Variants in LRP1B observed in about 807,000 individuals in gnomAD.
LRP1B encodes the protein LDL receptor related protein 1B, also known as low-density lipoprotein receptor-related protein 1B.
A neutral mutation model predicts 556.6 loss-of-function variants in LRP1B; 217 were observed. That is an observed-to-expected ratio of 0.39 (90% CI 0.35 to 0.44). The LOEUF is 0.44. Among genes scored for constraint, LRP1B ranks in the 20% least tolerant of loss-of-function variants. LRP1B has a pLI of 1.00. For synonymous variants in LRP1B, 2,047 were observed against 1,865.8 expected (o/e 1.10, Z -2.50); for missense variants, 5,053 against 5,620.8 (o/e 0.90, Z 3.23).
chr2:141,286,970 G>T (rs1177377233), intron 3 of LRP1B, among the ~76,000 whole-genome samples: 2 of 152,118 alleles, frequency 1.3e-5, no homozygotes, highest in Non-Finnish European at 2.9e-5. Flanking sequence ...TTTAATTTTA[G>T]TTAATTTAAA....
At chr2:140,293,364 T>A (rs1303912342) in intron 84 of LRP1B, among the ~76,000 whole-genome samples, 1 of 152,226 alleles carries the variant, frequency 6.6e-6, no homozygotes, top group Non-Finnish European at 1.5e-5. Flanking sequence ...GAAGTGCCGC[T>A]ATATTTGTTC....
chr2:141,428,148 C>A (rs62167989), intron 3 of LRP1B, among the ~76,000 whole-genome samples: 3,183 of 152,152 alleles, frequency 0.021, 67 homozygotes, highest in East Asian at 0.091. Flanking sequence ...TTGTGATAAT[C>A]ATCAAAGTGG....
chr2:141,474,430 T>G (rs1682624143), intron 3 of LRP1B, among the ~76,000 whole-genome samples: 2 of 152,076 alleles, frequency 1.3e-5, no homozygotes, highest in African/African-American at 4.8e-5. Flanking sequence ...GCACTTTTCA[T>G]AAGAGTTTCG....
At position 140,961,104 on chromosome 2, in the gene LRP1B, T is replaced by C. The variant is rs574597330; in HGVS notation, c.2888-9164A>G. ...AACAATATGAGATAGATTTTATGTT[T>C]GCCAATTTACATATAAACAAGTAAA... On this transcript the variant is annotated intron_variant, in intron 18 of 90. Coordinates refer to ENST00000389484, the MANE Select transcript of LRP1B (RefSeq NM_018557.3). Among the ~76,000 whole-genome samples, 45 of 152,076 alleles carry C rather than the reference T, an allele frequency of 3.0e-4. No homozygotes were observed. The South Asian group carries it at 8.9e-3, about 30-fold the overall frequency.
At chr2:140,236,658 C>T (rs757346499) in intron 89 of LRP1B, among the ~76,000 whole-genome samples, 19 of 150,746 alleles carry the variant, frequency 1.3e-4, no homozygotes, top group Non-Finnish European at 2.1e-4. Flanking sequence ...ATGTTTTAAA[C>T]TAGTAAGGAT....
intron 1 of LRP1B, among the ~76,000 whole-genome samples, chr2:141,927,655 G>A (rs1168690038): frequency 2.0e-5 from 3 of 151,890 alleles, no homozygotes; most frequent in African/African-American, 7.2e-5. Context: ...GTTAACTGGA[G>A]TAGTTTTCAG....
intron 20 of LRP1B, among the ~76,000 whole-genome samples, chr2:140,939,395 T>C (rs1384236143): frequency 6.6e-6 from 1 of 151,246 alleles, no homozygotes; most frequent in African/African-American, 2.4e-5. Flanking sequence ...AATAAGAGCA[T>C]GTGTGAGTAT....
intron 41 of LRP1B, among the ~76,000 whole-genome samples, chr2:140,654,619 T>C (rs1274505820): frequency 2.0e-5 from 3 of 152,142 alleles, no homozygotes; most frequent in South Asian, 2.1e-4. Context: ...TGGGAACAGA[T>C]GGGTTTTATT....
At chr2:141,561,433 A>G (rs935714192) in intron 2 of LRP1B, among the ~76,000 whole-genome samples, 5 of 151,842 alleles carry the variant, frequency 3.3e-5, no homozygotes, top group Admixed American at 2.6e-4. Context: ...ACAGGAAACT[A>G]GGACAACTAA....
chr2:141,070,788 T>C (rs1699616806), intron 7 of LRP1B, among the ~76,000 whole-genome samples: 1 of 151,964 alleles, frequency 6.6e-6, no homozygotes, highest in African/African-American at 2.4e-5. Flanking sequence ...ACATACACCC[T>C]CCCAAGACTA....
intron 18 of LRP1B, among the ~76,000 whole-genome samples, chr2:140,973,055 TATATATA>T (rs1696482710): frequency 3.7e-4 from 3 of 8,040 alleles, no homozygotes; most frequent in African/African-American, 6.8e-4. Context: ...TTTCATTTTA[TATATATA>T]TATATATATA....
intron 43 of LRP1B, among the ~76,000 whole-genome samples, chr2:140,561,409 C>A (rs1184966969): frequency 6.6e-6 from 1 of 152,128 alleles, no homozygotes; most frequent in Non-Finnish European, 1.5e-5. Context: ...CATGGCTGTC[C>A]ATTCTTCATT....
intron 21 of LRP1B, among the ~76,000 whole-genome samples, chr2:140,908,391 T>TAA (rs1435788489): frequency 1.6e-5 from 2 of 123,544 alleles, no homozygotes; most frequent in African/African-American, 6.8e-5. Context: ...TATATATATA[T>TAA]AAAAAGAAGG....
chr2:141,824,992 G>A (rs898337856), intron 1 of LRP1B, among the ~76,000 whole-genome samples: 1 of 152,072 alleles, frequency 6.6e-6, no homozygotes, highest in South Asian at 2.1e-4. Flanking sequence ...TACCCTGTGC[G>A]GTCTCTCTCC....
At position 140,750,669 on chromosome 2, in the gene LRP1B, A is replaced by G. The variant is rs145385095; in HGVS notation, c.5758+18544T>C. 9.8e-4 allele frequency among the ~76,000 whole-genome samples: 149 copies of G among 152,328 alleles called. 2 individuals carry two copies. The East Asian group carries it at 0.026, about 26-fold the overall frequency. On this transcript the variant is annotated intron_variant, in intron 35 of 90. Coordinates refer to ENST00000389484, the MANE Select transcript of LRP1B (RefSeq NM_018557.3). The stretch of plus-strand genomic sequence containing the variant: ...CACAAAGGATAAACCTTACAAGGGC[A>G]TATCATTTATCAGTCTTAGCCTTGT...
chr2:141,672,259 A>C (rs1355855447), intron 2 of LRP1B, among the ~76,000 whole-genome samples: 1 of 152,094 alleles, frequency 6.6e-6, no homozygotes, highest in Non-Finnish European at 1.5e-5. Context: ...ACAACAAGGC[A>C]CTTCATTTGA....
intron 86 of LRP1B, among the ~76,000 whole-genome samples, chr2:140,250,792 G>T (rs1387759650): frequency 2.5e-4 from 38 of 151,598 alleles, no homozygotes; most frequent in Admixed American, 2.4e-3. Context: ...TAATTCACAA[G>T]TCACACTTCA....
chr2:140,244,112 G>A (rs368582605), intron 87 of LRP1B, among the ~76,000 whole-genome samples: 4 of 151,340 alleles, frequency 2.6e-5, no homozygotes, highest in East Asian at 3.9e-4. Context: ...GGGATCTAGT[G>A]CAGTACTTGA....
intron 6 of LRP1B, among the ~76,000 whole-genome samples, chr2:141,221,303 A>AC (rs1342815285): frequency 6.6e-6 from 1 of 151,932 alleles, no homozygotes; most frequent in African/African-American, 2.4e-5. Flanking sequence ...AAAAAAAAAA[A>AC]AAAAACCAAA....
Sources: allele counts gnomAD v4.1 joint callset (sites outside exome capture counted in the v4.1 genomes callset), GRCh38; gene constraint gnomAD v4.1.1; transcripts MANE v1.5; gene names NCBI Gene and HGNC (gene_info 2026-07-23, HGNC 2026-07-21).